CLK4: variants seen among roughly 807,000 people sequenced by gnomAD.
The protein encoded by CLK4 is dual specificity protein kinase CLK4.
In CLK4, 37 loss-of-function variants were observed where a neutral mutation model predicts 64.4. The ratio of observed to expected loss-of-function variants is 0.57; its 90% CI spans 0.44 to 0.76. The LOEUF (loss-of-function observed/expected upper bound fraction) is 0.76. Among genes scored for constraint, CLK4 ranks in the 30% least tolerant of loss-of-function variants. The pLI is 0.00. For synonymous variants in CLK4, 175 were observed against 191.6 expected, an observed-to-expected ratio of 0.91 and a Z score of 0.72; for missense variants, 457 against 605.1, an observed-to-expected ratio of 0.76 and a Z score of 2.57.
intron 11 of CLK4, 38 bp downstream of exon 11, chr5:178,605,265 G>T: frequency 7.9e-7 from 1 of 1,259,952 alleles, no homozygotes; most frequent in Non-Finnish European, 1.1e-6. Context: ...ATATGCTATT[G>T]CACATATCCA....
At position 178,609,881 on chromosome 5, in the gene CLK4, G is replaced by C. The variant is rs193041468; in HGVS notation, c.1052-1423C>G. ...CTGAGATTGCACCACTGCACTCCAGGCCAGGCAACAGAGTGAGACTCTGTC... is the reference window on the plus strand; with the variant it reads ...CTGAGATTGCACCACTGCACTCCAGCCCAGGCAACAGAGTGAGACTCTGTC... On this transcript the variant is annotated intron_variant, in intron 9 of 12. Transcript: ENST00000316308. Among the ~76,000 whole-genome samples, 522 of 147,292 alleles carry C rather than the reference G, an allele frequency of 3.5e-3. 2 individuals carry two copies. The highest frequency in any genetic ancestry group is 0.012 in the African/African-American group (469 of 39,946).
chr5:178,618,646 T>TC lies in CLK4; in HGVS notation c.293dup (p.Ile99AsnfsTer5), dbSNP rs943995965. 2 of 1,613,988 alleles carry TC rather than the reference T, an allele frequency of 1.2e-6. No individual in the cohort carries two copies. The highest frequency in any genetic ancestry group is 3.3e-5 in the Admixed American group (2 of 60,000). ...GGACTGAAGATTTACTGCAGTGGAT[T>TC]CGATACCCGCTTTCAATGTCTCTGT... is the stretch of plus-strand genomic sequence containing the variant. On this transcript the variant is annotated frameshift_variant, in exon 3 of 13. Coordinates refer to ENST00000316308, the MANE Select transcript of CLK4 (RefSeq NM_020666.3). LOFTEE classifies it high-confidence loss of function.
rs1272023677 is a variant in CLK4, at chr5:178,602,670, C to T, written c.*947G>A. On this transcript the variant is annotated 3_prime_UTR_variant, in exon 13 of 13. Coordinates refer to ENST00000316308, the MANE Select transcript of CLK4 (RefSeq NM_020666.3). ...GAACAACAACAACAAACGCTGAAGT[C>T]AAAAAGTTTATGTAACCAATCAATT... 2 of 152,198 alleles carry T rather than the reference C, an allele frequency of 1.3e-5. No homozygotes were observed. The highest frequency in any genetic ancestry group is 2.9e-5 in the Non-Finnish European group (2 of 68,042). 9.4% of individuals were successfully genotyped at this position (152,198 alleles called of 1,614,324 possible). A position where few individuals can be genotyped will look rare whatever the true frequency, so the allele number is the denominator to read the frequency against.
At chr5:178,623,532 C>T (rs1764739008) in intron 1 of CLK4, 116 bp from the exon 2 acceptor site, 7 of 866,044 alleles carry the variant, frequency 8.1e-6, no homozygotes. Context: ...TTACAGGCTC[C>T]AAAATCTTTT....
intron 5 of CLK4, among the ~76,000 whole-genome samples, chr5:178,615,278 G>C (rs1764611944): frequency 6.6e-6 from 1 of 152,160 alleles, no homozygotes; most frequent in Non-Finnish European, 1.5e-5. Flanking sequence ...GGGATGACTG[G>C]TGAAATCTGA....
rs374425709 is a variant in CLK4, at chr5:178,613,560, A to G, written c.739T>C (p.Tyr247His). The G allele has an allele frequency of 2.5e-6, 4 of 1,612,576 alleles. No individual in the cohort carries two copies. Among genetic ancestry groups the G allele is most frequent in the Non-Finnish European group, 3.4e-6 (4 of 1,179,460 alleles). ...AAGCTGTTTTCTTTAATGAAATCGT[A>G]AGTACTAAGTCCCAGTAGTTCAAAC... Reference protein sequence around the residue: ...IVFELLGLSTYDFIKENSFLP... With the variant: ...IVFELLGLSTHDFIKENSFLP... Residue 247 changes from tyrosine to histidine, a missense_variant, in exon 7 of 13, where the codon TAC becomes CAC. Transcript: ENST00000316308.
rs911033136 is a variant in CLK4, at chr5:178,614,893, T to C, written c.543-1050A>G. The stretch of plus-strand genomic sequence containing the variant: ...GACAAAGCTTCTACTCCTATCTATT[T>C]AATTATATGACCAAAAAGTTTTCTC... On this transcript the variant is annotated intron_variant, in intron 5 of 12. Coordinates refer to ENST00000316308, the MANE Select transcript of CLK4 (RefSeq NM_020666.3). 2.0e-5 allele frequency among the ~76,000 whole-genome samples: 3 copies of C among 152,246 alleles called. No individual in the cohort carries two copies. In the South Asian group the frequency reaches 6.2e-4, roughly 31 times the overall value.
At chr5:178,614,730 C>T (rs970314768) in intron 5 of CLK4, among the ~76,000 whole-genome samples, 2 of 152,112 alleles carry the variant, frequency 1.3e-5, no homozygotes, top group Admixed American at 6.5e-5. Context: ...GATACAAAAC[C>T]TTTTTCCACA....
At chr5:178,626,003 A>G (rs1193675017) in intron 1 of CLK4, among the ~76,000 whole-genome samples, 1 of 152,248 alleles carries the variant, frequency 6.6e-6, no homozygotes, top group Non-Finnish European at 1.5e-5. Context: ...TCTTTCAAAA[A>G]ATAATGACAC....
Position 178,608,453 on chromosome 5 carries a change from C to G in CLK4, c.1057G>C (p.Gly353Arg). 1 of 1,601,990 alleles carries G rather than the reference C, an allele frequency of 6.2e-7. No homozygotes were observed. The highest frequency in any genetic ancestry group is 8.5e-7 in the Non-Finnish European group (1 of 1,175,946). The part of the protein sequence containing the change: ...YRAPEVILAL[G>R]WSQPCDVWSI... Reference sequence around the variant, plus strand: ...CAAACATCACAAGGCTGAGACCAACCTAAAGCTATTTTAAAACAAATAGAA... The same window carrying G: ...CAAACATCACAAGGCTGAGACCAACGTAAAGCTATTTTAAAACAAATAGAA... The change falls in exon 10 of 13, where the codon GGT becomes CGT. Residue 353 changes from glycine to arginine, a missense_variant. Transcript: ENST00000316308.
intron 1 of CLK4, among the ~76,000 whole-genome samples, chr5:178,624,954 C>T (rs1486464916): frequency 3.3e-5 from 5 of 152,164 alleles, no homozygotes; most frequent in African/African-American, 7.2e-5. Context: ...ATTCTATACC[C>T]ATCAAGCATC....
intron 10 of CLK4, chr5:178,605,691 G>A (rs1464669965): frequency 5.2e-6 from 1 of 191,784 alleles, no homozygotes; most frequent in Non-Finnish European, 1.1e-5. Context: ...TTTCAAAAAG[G>A]TTAAGATACT....
chr5:178,618,015 T>C (rs903857721), intron 3 of CLK4: 2 of 150,420 alleles, frequency 1.3e-5, no homozygotes, highest in African/African-American at 4.9e-5. Flanking sequence ...GATGTCTGAG[T>C]GTTAAAAAAA....
chr5:178,622,418 C>T, intron 2 of CLK4: 2 of 986,660 alleles, frequency 2.0e-6, no homozygotes, highest in Non-Finnish European at 2.4e-6. Flanking sequence ...CCCCAGCTGG[C>T]TAATTTAGAA....
rs1764590806 is a variant in CLK4 at position 178,613,807 on chromosome 5, A to G, written c.579T>C (p.Asn193=). The change falls in exon 6 of 13, where the codon AAT becomes AAC. Residue 193 remains asparagine, a synonymous_variant. Coordinates refer to ENST00000316308, the MANE Select transcript of CLK4 (RefSeq NM_020666.3). ...GMHVAVKIVK[N]VGRYREAARS... ...GAGCTGCTTCACGGTAACGGCCTAC[A>G]TTTTTTACGATTTTCACTGCTACAT... The G allele has an allele frequency of 1.2e-5, 20 of 1,614,096 alleles. No homozygotes were observed. The highest frequency in any genetic ancestry group is 1.5e-5 in the Non-Finnish European group (18 of 1,179,974).
In CLK4 at chr5:178,618,588, T is replaced by C. The variant is rs1390264355; in HGVS notation, c.352A>G (p.Asn118Asp). ...SRRSSPKRKR[N>D]RHCSSHQSRS... ...GACTGATGACTTGAACAGTGTCTAT[T>C]GCGCTTCCTTTTAGGACTGCTTCTC... The change falls in exon 3 of 13, where the codon AAT becomes GAT. Residue 118 changes from asparagine (N) to aspartate (D), a missense_variant. Transcript: ENST00000316308. 4.3e-6 allele frequency: 7 copies of C among 1,613,950 alleles called. No individual in the cohort carries two copies. The highest frequency in any genetic ancestry group is 2.2e-5 in the East Asian group (1 of 44,886).
chr5:178,610,037 T>A (rs1433897134), intron 9 of CLK4, among the ~76,000 whole-genome samples: 1 of 152,124 alleles, frequency 6.6e-6, no homozygotes, highest in Admixed American at 6.6e-5. Flanking sequence ...ACACCTGTAA[T>A]CCCAGCACTT....
chr5:178,613,434 A>G, intron 7 of CLK4, 39 bp downstream of exon 7: 1 of 1,277,798 alleles, frequency 7.8e-7, no homozygotes, highest in Admixed American at 3.4e-5. Flanking sequence ...AAATAAATAA[A>G]TAAATAAATA....
intron 2 of CLK4, 53 bp from the exon 3 acceptor site, chr5:178,618,831 G>A: frequency 2.8e-6 from 4 of 1,414,632 alleles, no homozygotes; most frequent in African/African-American, 1.4e-5. Flanking sequence ...GCAATAATGT[G>A]GTTCAAACAA....
Sources: allele counts gnomAD v4.1 joint callset (sites outside exome capture counted in the v4.1 genomes callset), GRCh38; gene constraint gnomAD v4.1.1; transcripts MANE v1.5; gene names NCBI Gene and HGNC (gene_info 2026-07-23, HGNC 2026-07-21).